The following SMYD1 variants were observed in gnomAD, a reference collection of about 807,000 sequenced individuals.
The protein encoded by SMYD1 is histone-lysine N-methyltransferase SMYD1.
Under a neutral mutation model 54.0 loss-of-function variants are expected in SMYD1, and 49 were observed. The observed-to-expected ratio is 0.91, with a 90% CI of 0.72 to 1.15. The LOEUF (loss-of-function observed/expected upper bound fraction) is 1.15, where lower values mean the gene tolerates loss of function less well. Ranked by LOEUF, SMYD1 falls within the 50% of genes most tolerant of loss-of-function variation. The pLI, the probability that SMYD1 is intolerant of heterozygous loss-of-function variation, is 0.00. For missense variants in SMYD1, 653 were observed against 639.6 expected, an observed-to-expected ratio of 1.02 and a Z score of -0.23; for synonymous variants, 269 against 234.2, an observed-to-expected ratio of 1.15 and a Z score of -1.36.
chr2:88,076,703 T>C (rs934953864), intron 1 of SMYD1, among the ~76,000 whole-genome samples: 5 of 152,170 alleles, frequency 3.3e-5, no homozygotes, highest in African/African-American at 1.2e-4. Flanking sequence ...GGATGGGATG[T>C]TCTTTAAGAC....
In SMYD1 at chr2:88,111,569, G is replaced by A. The variant is rs1430878813; in HGVS notation, c.*1057G>A. 1.3e-5 allele frequency: 2 copies of A among 154,336 alleles called. No individual in the cohort carries two copies. Among genetic ancestry groups the A allele is most frequent in the African/African-American group, 4.8e-5 (2 of 41,444 alleles). The allele number at this position is 154,336 out of a possible 1,614,324, so 9.6% of individuals were successfully genotyped here. ...GAATAATTATTACTTCCCTTGTTGA[G>A]TTTCTTTTTCTGTCATGCCCTGGGG... On this transcript the variant is annotated 3_prime_UTR_variant, in exon 10 of 10. Coordinates refer to ENST00000419482, the MANE Select transcript of SMYD1 (RefSeq NM_198274.4).
intron 7 of SMYD1, among the ~76,000 whole-genome samples, chr2:88,104,593 G>A (rs910974090): frequency 1.3e-5 from 2 of 152,202 alleles, no homozygotes; most frequent in African/African-American, 4.8e-5. Context: ...AGGTTTAAGA[G>A]GATTGTTTTC....
chr2:88,106,432 C>T lies in SMYD1; in HGVS notation c.1089C>T (p.Tyr363=), dbSNP rs747794822. The change falls in exon 8 of 10, where the codon TAC becomes TAT. Residue 363 remains tyrosine (Y), a synonymous_variant. Coordinates refer to ENST00000419482, the MANE Select transcript of SMYD1 (RefSeq NM_198274.4). ...MLSIVSEVLS[Y]LQAFEEASFY... ...GCATTGTTTCGGAGGTCCTTTCCTA[C>T]CTCCAGGCCTTTGAGGAGGCCTCGT... The T allele has an allele frequency of 9.3e-6, 15 of 1,614,050 alleles. No individual in the cohort carries two copies. Among genetic ancestry groups the T allele is most frequent in the Admixed American group, 1.7e-5 (1 of 60,010 alleles).
rs1021056608 is a variant in SMYD1, at chr2:88,101,825, C to G, written c.889-1233C>G. 3.9e-5 allele frequency among the ~76,000 whole-genome samples: 6 copies of G among 152,194 alleles called. No homozygotes were observed. In the East Asian group the frequency reaches 1.2e-3, roughly 29 times the overall value. Reference sequence around the variant, plus strand: ...TTCACCCTATTGTCCAGGTTGGTATCAAACTCCTGACCTCAGGTAATCTGC... The same window carrying G: ...TTCACCCTATTGTCCAGGTTGGTATGAAACTCCTGACCTCAGGTAATCTGC... On this transcript the variant is annotated intron_variant, in intron 6 of 9. Transcript: ENST00000419482.
At position 88,102,191 on chromosome 2, in the gene SMYD1, C is replaced by CA. The variant is rs912807248; in HGVS notation, c.889-857dup. ...GAAAGTTATAAAAGATTTGCTTAAG[C>CA]AAAAAAAAAATGTTTCAGAAAAGGA... On this transcript the variant is annotated intron_variant, in intron 6 of 9. Coordinates refer to ENST00000419482, the MANE Select transcript of SMYD1 (RefSeq NM_198274.4). Among the ~76,000 whole-genome samples the CA allele has an allele frequency of 1.3e-3, 191 of 146,526 alleles. 1 individual carries two copies. The highest frequency in any genetic ancestry group is 2.0e-3 in the Admixed American group (30 of 14,720).
At position 88,111,951 on chromosome 2, in the gene SMYD1, A is replaced by T; in HGVS notation, c.*1439A>T. The T allele has an allele frequency of 1.5e-6, 1 of 662,040 alleles. No individual in the cohort carries two copies. Among genetic ancestry groups the T allele is most frequent in the Middle Eastern group, 2.7e-4 (1 of 3,656 alleles). The allele number at this position is 662,040 out of a possible 1,614,324, so 41.0% of individuals were successfully genotyped here. ...GTCCCACGTTTGTTATCTCTGCCTA[A>T]ATGTTAGCTTCTCCATCCTCACCAC... On this transcript the variant is annotated 3_prime_UTR_variant, in exon 10 of 10. Transcript: ENST00000419482.
chr2:88,074,320 T>A (rs1244847768), intron 1 of SMYD1, among the ~76,000 whole-genome samples: 1 of 152,208 alleles, frequency 6.6e-6, no homozygotes, highest in African/African-American at 2.4e-5. Flanking sequence ...GCTGCCCACA[T>A]TCCTTGGCTC....
At chr2:88,068,042 G>T in intron 1 of SMYD1, 41 bp downstream of exon 1, 1 of 1,589,936 alleles carries the variant, frequency 6.3e-7, no homozygotes, top group Non-Finnish European at 8.6e-7. Context: ...TGTTAGTTTG[G>T]CTGGGGCCAA....
At chr2:88,078,964 G>A (rs1000476231) in intron 1 of SMYD1, among the ~76,000 whole-genome samples, 1 of 152,222 alleles carries the variant, frequency 6.6e-6, no homozygotes, top group Non-Finnish European at 1.5e-5. Flanking sequence ...TTACAGAATG[G>A]GATATAAAAC....
rs1331235088 is a variant in SMYD1, at chr2:88,111,166, G to T, written c.*654G>T. 1 of 152,240 alleles carries T rather than the reference G, an allele frequency of 6.6e-6. No individual in the cohort carries two copies. 9.4% of individuals were successfully genotyped at this position (152,240 alleles called of 1,614,324 possible). A position where few individuals can be genotyped will look rare whatever the true frequency, so the allele number is the denominator to read the frequency against. ...CTTCAGAATGGTGCATATGTCGAAA[G>T]AGCTGGCTGGGGGCCTTGCCCAAAC... On this transcript the variant is annotated 3_prime_UTR_variant, in exon 10 of 10. Transcript: ENST00000419482.
chr2:88,081,917 G>A (rs1038323966), intron 1 of SMYD1, among the ~76,000 whole-genome samples: 9 of 152,294 alleles, frequency 5.9e-5, no homozygotes, highest in East Asian at 3.9e-4. Flanking sequence ...ATTTGGAGCC[G>A]TCTTGGAATC....
intron 7 of SMYD1, among the ~76,000 whole-genome samples, chr2:88,104,059 C>T (rs893568074): frequency 1.2e-4 from 18 of 151,860 alleles, no homozygotes; most frequent in Admixed American, 2.6e-4. Flanking sequence ...CTCTGCCTCC[C>T]AGGTTCACGC....
chr2:88,096,411 G>T (rs1488232819), intron 5 of SMYD1, among the ~76,000 whole-genome samples, 184 bp from the exon 6 acceptor site: 4 of 152,202 alleles, frequency 2.6e-5, no homozygotes, highest in African/African-American at 7.2e-5. Context: ...CTAAGGAATA[G>T]AGTAGAATTA....
At chr2:88,085,708 C>T (rs568744149) in intron 2 of SMYD1, among the ~76,000 whole-genome samples, 1 of 152,268 alleles carries the variant, frequency 6.6e-6, no homozygotes, top group East Asian at 1.9e-4. Flanking sequence ...ACCCTTTCCT[C>T]GGTATTTGGA....
intron 1 of SMYD1, among the ~76,000 whole-genome samples, chr2:88,072,338 A>T (rs1406103562): frequency 6.6e-6 from 1 of 152,086 alleles, no homozygotes; most frequent in East Asian, 1.9e-4. Flanking sequence ...TTTAGTAGAG[A>T]CAGGGTTTCA....
rs1203839775 is a variant in SMYD1 at position 88,111,313 on chromosome 2, G to T, written c.*801G>T. ...ATCACCCTTATTACCAAGCCTTGTG[G>T]TTCCCTGTGATTTTAGATAATGTCT... On this transcript the variant is annotated 3_prime_UTR_variant, in exon 10 of 10. Transcript: ENST00000419482. The T allele has an allele frequency of 2.6e-5, 4 of 152,194 alleles. No individual in the cohort carries two copies. The highest frequency in any genetic ancestry group is 9.7e-5 in the African/African-American group (4 of 41,440). The allele number at this position is 152,194 out of a possible 1,614,324, so 9.4% of individuals were successfully genotyped here.
intron 5 of SMYD1, 24 bp from the exon 6 acceptor site, chr2:88,096,571 C>T (rs191524431): frequency 1.3e-6 from 2 of 1,592,404 alleles, no homozygotes; most frequent in African/African-American, 2.7e-5. Flanking sequence ...ATTCGATTCA[C>T]CTTTTCCTTT....
At chr2:88,083,093 T>C (rs57579458) in intron 1 of SMYD1, 11,002 of 152,226 alleles carry the variant, frequency 0.072, 967 homozygotes, top group East Asian at 0.46. Context: ...CCTGTGTTCT[T>C]ATACTTTGGA....
Position 88,112,061 on chromosome 2 carries a change from C to T in SMYD1, c.*1549C>T. ...CCACACTTTTGCAAAATACTTGTAT[C>T]TGACACTTAGGTCTTGTTTGAAGAA... On this transcript the variant is annotated 3_prime_UTR_variant, in exon 10 of 10. Coordinates refer to ENST00000419482, the MANE Select transcript of SMYD1 (RefSeq NM_198274.4). The T allele has an allele frequency of 1.4e-6, 1 of 703,146 alleles. No homozygotes were observed. The allele number at this position is 703,146 out of a possible 1,614,324, so 43.6% of individuals were successfully genotyped here. A position where few individuals can be genotyped will look rare whatever the true frequency, so the allele number is the denominator to read the frequency against.
Sources: allele counts gnomAD v4.1 joint callset (sites outside exome capture counted in the v4.1 genomes callset), GRCh38; gene constraint gnomAD v4.1.1; transcripts MANE v1.5; gene names NCBI Gene and HGNC (gene_info 2026-07-23, HGNC 2026-07-21).